Variants in LRIG2 observed in about 807,000 individuals in gnomAD.
LRIG2 encodes the protein leucine-rich repeats and immunoglobulin-like domains protein 2.
Under a neutral mutation model 107.8 loss-of-function variants are expected in LRIG2, and 93 were observed. The observed-to-expected ratio is 0.86, with a 90% CI of 0.73 to 1.03. LRIG2 has a LOEUF of 1.03. Ranked by LOEUF, LRIG2 falls within the 50% of genes least tolerant of loss-of-function variation. The probability of loss-of-function intolerance (pLI) is 0.00; values close to 1 mark genes in which losing one functional copy is unlikely to be tolerated. For missense variants in LRIG2, 1,226 were observed against 1,296.0 expected (o/e 0.95, Z 0.83); for synonymous variants, 471 against 470.6 (o/e 1.00, Z -0.01).
At chr1:113,074,468 G>C (rs1186486605) in intron 1 of LRIG2, among the ~76,000 whole-genome samples, 1 of 152,200 alleles carries the variant, frequency 6.6e-6, no homozygotes, top group Non-Finnish European at 1.5e-5. Flanking sequence ...TCCTTAGTCT[G>C]AGTCAGCCTG....
chr1:113,099,531 T>C (rs1260951154), intron 9 of LRIG2, among the ~76,000 whole-genome samples: 1 of 152,118 alleles, frequency 6.6e-6, no homozygotes, highest in Non-Finnish European at 1.5e-5. Flanking sequence ...TGAGCCCCCA[T>C]GCCCAGCTAG....
chr1:113,109,699 A>G (rs1427461919), intron 12 of LRIG2, among the ~76,000 whole-genome samples: 1 of 152,028 alleles, frequency 6.6e-6, no homozygotes, highest in Non-Finnish European at 1.5e-5. Context: ...TTGTGTTTTT[A>G]GAAGTGACGG....
chr1:113,077,200 A>G (rs1421101656), intron 1 of LRIG2, among the ~76,000 whole-genome samples: 1 of 151,928 alleles, frequency 6.6e-6, no homozygotes, highest in African/African-American at 2.4e-5. Flanking sequence ...GCTGGAGTGA[A>G]GCAGCCTGAT....
At position 113,083,997 on chromosome 1, in the gene LRIG2, TATAATAATA is replaced by T. The variant is rs55895711; in HGVS notation, c.240-7284_240-7276del. ...TGCACATGTACCCTAGAACTTAAAGTATAATAATAATAATAATAATAATAATAATAATAA... is the reference window on the plus strand; with the variant it reads ...TGCACATGTACCCTAGAACTTAAAGTATAATAATAATAATAATAATAATAA... On this transcript the variant is annotated intron_variant, in intron 1 of 17. Transcript: ENST00000361127. Among the ~76,000 whole-genome samples the T allele has an allele frequency of 9.5e-3, 1,196 of 125,680 alleles. 7 individuals are homozygous for T. Among genetic ancestry groups the T allele is most frequent in the African/African-American group, 0.024 (849 of 34,992 alleles). 82.5% of individuals were successfully genotyped at this position (125,680 alleles called of 152,430 possible).
intron 2 of LRIG2, among the ~76,000 whole-genome samples, chr1:113,092,860 A>G (rs1206126596): frequency 6.6e-6 from 1 of 152,028 alleles, no homozygotes; most frequent in Non-Finnish European, 1.5e-5. Context: ...GTGGTGGTGC[A>G]TGCCTGTAAT....
At chr1:113,085,530 C>G (rs554806544) in intron 1 of LRIG2, among the ~76,000 whole-genome samples, 1 of 152,188 alleles carries the variant, frequency 6.6e-6, no homozygotes, top group Non-Finnish European at 1.5e-5. Context: ...GTGATCCGCC[C>G]GCCTTGGCTT....
intron 4 of LRIG2, among the ~76,000 whole-genome samples, chr1:113,094,018 T>G (rs1030571402): frequency 1.3e-5 from 2 of 152,174 alleles, no homozygotes; most frequent in Non-Finnish European, 1.5e-5. Flanking sequence ...TGTTTGTTTT[T>G]TTTTGAACCA....
intron 11 of LRIG2, among the ~76,000 whole-genome samples, chr1:113,102,043 G>A (rs1396862579): frequency 6.6e-6 from 1 of 152,076 alleles, no homozygotes; most frequent in Non-Finnish European, 1.5e-5. Flanking sequence ...TTTAGATAAA[G>A]CAGTGAGGGG....
chr1:113,095,212 C>G (rs1407058947), intron 6 of LRIG2, among the ~76,000 whole-genome samples: 3 of 151,904 alleles, frequency 2.0e-5, no homozygotes, highest in Non-Finnish European at 1.5e-5. Context: ...ACCTCATGAT[C>G]CACCCACCTT....
intron 4 of LRIG2, 146 bp downstream of exon 4, chr1:113,093,710 A>C (rs956982766): frequency 1.2e-4 from 45 of 389,242 alleles, no homozygotes; most frequent in Non-Finnish European, 1.9e-4. Flanking sequence ...CCAGCATGGC[A>C]CATGTATACA....
intron 1 of LRIG2, among the ~76,000 whole-genome samples, chr1:113,086,920 GGTTTAA>G (rs1248228109): frequency 6.6e-6 from 1 of 152,150 alleles, no homozygotes; most frequent in African/African-American, 2.4e-5. Context: ...CTAGACTTTA[GGTTTAA>G]GTTTATTAAG....
At chr1:113,078,241 A>AGTCTTTTT (rs1653082252) in intron 1 of LRIG2, among the ~76,000 whole-genome samples, 1 of 150,822 alleles carries the variant, frequency 6.6e-6, no homozygotes, top group Admixed American at 6.6e-5. Context: ...ATGTGGATTT[A>AGTCTTTTT]GTCTTTTTTT....
chr1:113,092,728 C>T (rs1364925081), intron 2 of LRIG2, among the ~76,000 whole-genome samples: 2 of 152,152 alleles, frequency 1.3e-5, no homozygotes, highest in African/African-American at 4.8e-5. Context: ...TGGTGGCTTA[C>T]GCCGGTAATC....
chr1:113,099,466 C>T (rs1264635820), intron 9 of LRIG2, among the ~76,000 whole-genome samples: 1 of 151,780 alleles, frequency 6.6e-6, no homozygotes, highest in East Asian at 1.9e-4. Flanking sequence ...TGTTGAACTC[C>T]TGGGCTCAAG....
rs1442574430 is a variant in LRIG2, at chr1:113,128,435, G to A, written c.*4334G>A. On this transcript the variant is annotated 3_prime_UTR_variant, in exon 18 of 18. Coordinates refer to ENST00000361127, the MANE Select transcript of LRIG2 (RefSeq NM_014813.3). The stretch of plus-strand genomic sequence containing the variant: ...AGGGTGAGTCTTTTTACTTCTCTAG[G>A]CTAGATTTTCTCATTTATGAAATGA... The A allele has an allele frequency of 6.6e-6, 1 of 152,056 alleles. No individual in the cohort carries two copies. The highest frequency in any genetic ancestry group is 1.5e-5 in the Non-Finnish European group (1 of 68,034). The allele number at this position is 152,056 out of a possible 1,614,324, so 9.4% of individuals were successfully genotyped here.
Position 113,096,247 on chromosome 1 carries a change from C to T in LRIG2, c.973C>T (p.Arg325Cys), listed in dbSNP as rs200359864. Residue 325 changes from arginine to cysteine, a missense_variant, in exon 8 of 18, where the codon CGC (arginine) becomes TGC (cysteine). Around this residue, in one of 3 missense-constraint regions of LRIG2, gnomAD observed 570 missense variants for 550.2 expected, o/e 1.04. Transcript: ENST00000361127. The stretch of plus-strand genomic sequence containing the variant: ...TGATTTGTCCTATAACCAGCTGACC[C>T]GCCTGGATGAATCTGCCTTTGTGGG... ...ELDLSYNQLT[R>C]LDESAFVGLS... 62 of 1,613,870 alleles carry T rather than the reference C, an allele frequency of 3.8e-5. No individual in the cohort carries two copies. The highest frequency in any genetic ancestry group is 3.1e-5 in the Non-Finnish European group (36 of 1,180,008).
At chr1:113,098,811 T>A (rs1409784239) in intron 9 of LRIG2, 26 bp downstream of exon 9, 35 of 1,317,190 alleles carry the variant, frequency 2.7e-5, no homozygotes, top group Non-Finnish European at 3.3e-5. Flanking sequence ...TTTATGTATG[T>A]CTACATAGGC....
At chr1:113,102,591 T>TA (rs749182242) in intron 11 of LRIG2, among the ~76,000 whole-genome samples, 26 of 152,064 alleles carry the variant, frequency 1.7e-4, no homozygotes, top group South Asian at 8.3e-4. Flanking sequence ...TTTTTTTTTT[T>TA]ACCCCAAACT....
At chr1:113,089,349 A>G (rs1034456264) in intron 1 of LRIG2, among the ~76,000 whole-genome samples, 3 of 152,236 alleles carry the variant, frequency 2.0e-5, no homozygotes, top group African/African-American at 7.2e-5. Flanking sequence ...CTATTTAACT[A>G]TTTAGACTTG....
Sources: allele counts gnomAD v4.1 joint callset (sites outside exome capture counted in the v4.1 genomes callset), GRCh38; gene constraint gnomAD v4.1.1; regional missense constraint gnomAD v4.1.1; transcripts MANE v1.5; gene names NCBI Gene and HGNC (gene_info 2026-07-23, HGNC 2026-07-21).